MAF: variants seen among roughly 807,000 people sequenced by gnomAD.
MAF encodes the protein transcription factor Maf.
In MAF, 10 loss-of-function variants were observed where a neutral mutation model predicts 22.0. That is an observed-to-expected ratio of 0.45 (90% CI 0.28 to 0.77). The LOEUF is 0.77. MAF is among the 30% of genes least tolerant of loss of function. The pLI is 0.12. For synonymous variants in MAF, 337 were observed against 255.8 expected, an observed-to-expected ratio of 1.32 and a Z score of -3.03; for missense variants, 544 against 548.4, an observed-to-expected ratio of 0.99 and a Z score of 0.08.
At chr16:79,448,177 A>G in the MAF span, among the ~76,000 whole-genome samples, 1 of 152,202 alleles carries the variant, frequency 6.6e-6, no homozygotes, top group Non-Finnish European at 1.5e-5. Context: ...ATAGTGCCAC[A>G]TGCCACAGAG....
chr16:79,406,285 T>C, the MAF span, among the ~76,000 whole-genome samples: 1 of 152,234 alleles, frequency 6.6e-6, no homozygotes, highest in African/African-American at 2.4e-5. Context: ...CAGAGTGGTC[T>C]GGCACGTCCC....
chr16:79,462,111 C>T, the MAF span, among the ~76,000 whole-genome samples: 1 of 152,202 alleles, frequency 6.6e-6, no homozygotes, highest in African/African-American at 2.4e-5. Context: ...GCAATTCCTC[C>T]CCATGGGAAT....
At chr16:79,455,706 G>A in the MAF span, among the ~76,000 whole-genome samples, 1 of 152,150 alleles carries the variant, frequency 6.6e-6, no homozygotes, top group Admixed American at 6.6e-5. Flanking sequence ...CCCTGAAAAT[G>A]TTGTATTTTT....
chr16:79,262,550 T>A, the MAF span, among the ~76,000 whole-genome samples: 1 of 152,150 alleles, frequency 6.6e-6, no homozygotes, highest in Non-Finnish European at 1.5e-5. Context: ...CAGCAGAGGA[T>A]ACAGCACACG....
the MAF span, among the ~76,000 whole-genome samples, chr16:79,579,687 T>G: frequency 6.6e-6 from 1 of 152,242 alleles, no homozygotes; most frequent in Non-Finnish European, 1.5e-5. Context: ...ACTGCCTCAC[T>G]GCCTTCTCAA....
Position 79,599,383 on chromosome 16 carries a change from GCGCGGCGGC to G in MAF, c.511_519del (p.Ala171_Ala173del), listed in dbSNP as rs1231467088. ...TGGTAGTGCGGGCCCGCGCCGCTCTGCGCGGCGGCCGCGGCGATCACGGCGGACACCACG... is the reference window on the plus strand; with the variant it reads ...TGGTAGTGCGGGCCCGCGCCGCTCTGCGCGGCGATCACGGCGGACACCACG... On this transcript the variant is annotated inframe_deletion, in exon 1 of 2. Coordinates refer to ENST00000326043, the MANE Select transcript of MAF (RefSeq NM_005360.5). The G allele has an allele frequency of 9.8e-7, 1 of 1,015,662 alleles. No individual in the cohort carries two copies. The highest frequency in any genetic ancestry group is 1.7e-5 in the African/African-American group (1 of 57,370). 62.9% of individuals were successfully genotyped at this position (1,015,662 alleles called of 1,614,324 possible). A position where few individuals can be genotyped will look rare whatever the true frequency, so the allele number is the denominator to read the frequency against.
At chr16:79,224,448 A>G in the MAF span, among the ~76,000 whole-genome samples, 1,046 of 152,328 alleles carry the variant, frequency 6.9e-3, 14 homozygotes, top group African/African-American at 0.024. Flanking sequence ...GAAAACCTGC[A>G]CAAGACAAGG....
chr16:79,221,696 T>G, the MAF span, among the ~76,000 whole-genome samples: 1 of 152,056 alleles, frequency 6.6e-6, no homozygotes, highest in African/African-American at 2.4e-5. Context: ...TACATGTGCA[T>G]GAGTGTATGT....
chr16:79,505,006 G>A, the MAF span, among the ~76,000 whole-genome samples: 4,801 of 152,210 alleles, frequency 0.032, 285 homozygotes, highest in African/African-American at 0.11. Flanking sequence ...TCATCTGCAA[G>A]TATTTATAGC....
At chr16:79,380,255 G>A in the MAF span, among the ~76,000 whole-genome samples, 1 of 152,180 alleles carries the variant, frequency 6.6e-6, no homozygotes, top group Non-Finnish European at 1.5e-5. Context: ...TAGAATAGCT[G>A]CTTATTGACT....
At chr16:79,526,634 G>A in the MAF span, among the ~76,000 whole-genome samples, 1 of 152,112 alleles carries the variant, frequency 6.6e-6, no homozygotes, top group African/African-American at 2.4e-5. Flanking sequence ...TTTACAACAG[G>A]CTTTCCGGGG....
the MAF span, among the ~76,000 whole-genome samples, chr16:79,252,516 G>T: frequency 3.3e-5 from 5 of 152,068 alleles, no homozygotes; most frequent in African/African-American, 4.8e-5. Flanking sequence ...TCGAGATAGA[G>T]TCTCACTCTG....
chr16:79,267,870 T>A, the MAF span, among the ~76,000 whole-genome samples: 3 of 150,612 alleles, frequency 2.0e-5, no homozygotes, highest in African/African-American at 7.4e-5. Flanking sequence ...GACTAGGAGG[T>A]GGGAGTGAGG....
chr16:79,307,391 CA>C, the MAF span, among the ~76,000 whole-genome samples: 1 of 152,216 alleles, frequency 6.6e-6, no homozygotes, highest in Non-Finnish European at 1.5e-5. Context: ...GGTCCCTGGG[CA>C]TGAGCTCACG....
At chr16:79,362,872 C>A in the MAF span, among the ~76,000 whole-genome samples, 6 of 152,294 alleles carry the variant, frequency 3.9e-5, no homozygotes, top group South Asian at 2.1e-4. Context: ...GCATTTATAT[C>A]TTTTAAGTTA....
the MAF span, among the ~76,000 whole-genome samples, chr16:79,445,650 G>C: frequency 6.6e-6 from 1 of 152,204 alleles, no homozygotes; most frequent in African/African-American, 2.4e-5. Flanking sequence ...CATGGAGTCA[G>C]GGAAGGATGA....
At chr16:79,414,221 G>C in the MAF span, among the ~76,000 whole-genome samples, 2 of 152,192 alleles carry the variant, frequency 1.3e-5, no homozygotes, top group Non-Finnish European at 2.9e-5. Context: ...AGGAGTACCT[G>C]AGGATGGGCA....
chr16:79,296,531 AT>A, the MAF span, among the ~76,000 whole-genome samples: 61 of 151,860 alleles, frequency 4.0e-4, no homozygotes, highest in South Asian at 1.2e-3. Context: ...AAATAAAATA[AT>A]TTTTTTTTAA....
At chr16:79,387,015 T>C in the MAF span, among the ~76,000 whole-genome samples, 1 of 152,198 alleles carries the variant, frequency 6.6e-6, no homozygotes, top group Non-Finnish European at 1.5e-5. Flanking sequence ...CCCCAAGGCT[T>C]CCAATATAGA....
Sources: gnomAD v4.1 joint callset for allele counts (sites outside exome capture counted in the v4.1 genomes callset) on GRCh38, gnomAD v4.1.1 for gene constraint, MANE v1.5 for transcripts, NCBI Gene and HGNC (gene_info 2026-07-23, HGNC 2026-07-21) for gene names.